Variants in CADM2 observed in about 807,000 individuals in gnomAD.
The protein encoded by CADM2 is cell adhesion molecule 2.
Under a neutral mutation model 49.8 loss-of-function variants are expected in CADM2, and 12 were observed. That is an observed-to-expected ratio of 0.24 (90% confidence interval 0.15 to 0.39). CADM2 has a LOEUF of 0.39. Ranked by LOEUF, CADM2 falls within the 10% of genes least tolerant of loss-of-function variation. The pLI is 1.00. For missense variants in CADM2, 378 were observed against 492.3 expected (o/e 0.77, Z 2.20); for synonymous variants, 214 against 175.4 (o/e 1.22, Z -1.74).
intron 2 of CADM2, among the ~76,000 whole-genome samples, chr3:85,746,939 C>T (rs75654274): frequency 0.029 from 4,385 of 152,102 alleles, 211 homozygotes; most frequent in African/African-American, 0.1. Flanking sequence ...GGAAAGAGTT[C>T]GTTTTCCTCT....
intron 1 of CADM2, among the ~76,000 whole-genome samples, chr3:85,461,872 A>G (rs1440093234): frequency 6.6e-6 from 1 of 152,202 alleles, no homozygotes; most frequent in African/African-American, 2.4e-5. Flanking sequence ...GATAAATATA[A>G]TAAATATACA....
At chr3:85,046,223 TATC>T (rs2035647718) in intron 1 of CADM2, among the ~76,000 whole-genome samples, 1 of 152,096 alleles carries the variant, frequency 6.6e-6, no homozygotes, top group Non-Finnish European at 1.5e-5. Flanking sequence ...CAAAGGACCT[TATC>T]ATGTTGCGTT....
At chr3:85,576,557 C>A (rs1474221021) in intron 1 of CADM2, among the ~76,000 whole-genome samples, 1 of 152,152 alleles carries the variant, frequency 6.6e-6, no homozygotes, top group Non-Finnish European at 1.5e-5. Context: ...TACTCATACA[C>A]AAATATTAGT....
intron 1 of CADM2, among the ~76,000 whole-genome samples, chr3:85,178,620 A>G (rs1340302863): frequency 6.6e-6 from 1 of 151,924 alleles, no homozygotes; most frequent in African/African-American, 2.4e-5. Context: ...TATTTTGGTC[A>G]TGTTTAAAAT....
At chr3:85,189,804 A>G (rs2041161958) in intron 1 of CADM2, among the ~76,000 whole-genome samples, 1 of 152,184 alleles carries the variant, frequency 6.6e-6, no homozygotes, top group Non-Finnish European at 1.5e-5. Flanking sequence ...GCTTAACTGA[A>G]GAAAGATCTA....
At chr3:85,007,479 CT>C (rs1229283109) in intron 1 of CADM2, among the ~76,000 whole-genome samples, 5 of 152,108 alleles carry the variant, frequency 3.3e-5, no homozygotes, top group South Asian at 4.1e-4. Context: ...CAACCAACCC[CT>C]GGTCTAGTAG....
At position 85,118,469 on chromosome 3, in the gene CADM2, C is replaced by T. The variant is rs116114305; in HGVS notation, c.61+158801C>T. 2.8e-3 allele frequency among the ~76,000 whole-genome samples: 433 copies of T among 152,168 alleles called. 2 individuals carry two copies. Among genetic ancestry groups the T allele is most frequent in the African/African-American group, 9.9e-3 (412 of 41,528 alleles). ...CAATTATGACAGAAAGCAAAAGGCA[C>T]GACGAACATGGCAGCAGGCAAAGAG... On this transcript the variant is annotated intron_variant, in intron 1 of 9. Coordinates refer to ENST00000383699, the MANE Select transcript of CADM2 (RefSeq NM_001167675.2).
chr3:85,667,669 T>G (rs935534509), intron 1 of CADM2, among the ~76,000 whole-genome samples: 2 of 151,998 alleles, frequency 1.3e-5, no homozygotes, highest in African/African-American at 4.8e-5. Context: ...TCAGGGAGTA[T>G]TCTGATTTTA....
At chr3:85,959,314 T>C (rs1724525184) in intron 7 of CADM2, among the ~76,000 whole-genome samples, 1 of 151,786 alleles carries the variant, frequency 6.6e-6, no homozygotes, top group Non-Finnish European at 1.5e-5. Context: ...ACAGAAGCTC[T>C]CCAAACCCTG....
intron 1 of CADM2, among the ~76,000 whole-genome samples, chr3:85,280,306 T>C (rs2043469371): frequency 1.3e-5 from 2 of 151,812 alleles, no homozygotes; most frequent in African/African-American, 4.8e-5. Flanking sequence ...TTTTGTCATA[T>C]ACGGTGTACT....
chr3:85,900,624 A>C (rs1715989446), intron 5 of CADM2, among the ~76,000 whole-genome samples: 2 of 152,142 alleles, frequency 1.3e-5, no homozygotes, highest in African/African-American at 4.8e-5. Flanking sequence ...TAATGTTGTT[A>C]ATCAACGTAT....
intron 1 of CADM2, among the ~76,000 whole-genome samples, chr3:85,353,543 T>C (rs2031555932): frequency 2.0e-5 from 3 of 150,552 alleles, no homozygotes; most frequent in African/African-American, 2.5e-5. Context: ...GATGGTTTCT[T>C]TTTTTTTGTT....
chr3:85,108,010 G>A (rs762308128), intron 1 of CADM2, among the ~76,000 whole-genome samples: 16 of 151,956 alleles, frequency 1.1e-4, no homozygotes, highest in Non-Finnish European at 2.1e-4. Context: ...TAGGCAGTAT[G>A]ACTATTTCTT....
intron 8 of CADM2, among the ~76,000 whole-genome samples, chr3:86,006,174 A>G (rs1001238396): frequency 1.3e-5 from 2 of 152,232 alleles, no homozygotes; most frequent in African/African-American, 4.8e-5. Flanking sequence ...TGCTACAACA[A>G]ACAAAGGACC....
intron 1 of CADM2, among the ~76,000 whole-genome samples, chr3:85,523,580 T>G (rs2061080609): frequency 6.6e-6 from 1 of 152,014 alleles, no homozygotes; most frequent in African/African-American, 2.4e-5. Context: ...TTGTTTGATA[T>G]CTGAAATTTT....
chr3:85,336,965 T>TA (rs1233177798), intron 1 of CADM2, among the ~76,000 whole-genome samples: 2 of 16,280 alleles, frequency 1.2e-4, no homozygotes, highest in East Asian at 9.6e-3. Context: ...AATATATATA[T>TA]TAAATATATA....
intron 1 of CADM2, among the ~76,000 whole-genome samples, chr3:85,500,942 G>C (rs1576666149): frequency 6.6e-6 from 1 of 152,102 alleles, no homozygotes; most frequent in Non-Finnish European, 1.5e-5. Flanking sequence ...GACCATCAAA[G>C]CCAAAATGGG....
chr3:85,977,038 T>C (rs564565331), intron 8 of CADM2, among the ~76,000 whole-genome samples: 78 of 151,378 alleles, frequency 5.2e-4, no homozygotes, highest in African/African-American at 1.8e-3. Flanking sequence ...ATATAGACTG[T>C]CTTTAAAAAA....
At chr3:85,105,376 C>T in intron 1 of CADM2, among the ~76,000 whole-genome samples, 1 of 152,100 alleles carries the variant, frequency 6.6e-6, no homozygotes, top group Non-Finnish European at 1.5e-5. Flanking sequence ...CAGAGAAATG[C>T]AAATCAAAAC....
Sources: gnomAD v4.1 joint callset for allele counts (sites outside exome capture counted in the v4.1 genomes callset) on GRCh38, gnomAD v4.1.1 for gene constraint, MANE v1.5 for transcripts, NCBI Gene and HGNC (gene_info 2026-07-23, HGNC 2026-07-21) for gene names.